The following NAV3 variants were observed in gnomAD, a reference collection of about 807,000 sequenced individuals.
NAV3 encodes the protein neuron navigator 3.
Under a neutral mutation model 244.7 loss-of-function variants are expected in NAV3, and 87 were observed. That is an observed-to-expected ratio of 0.36 (90% CI 0.30 to 0.42). NAV3 has a LOEUF of 0.42. NAV3 is among the 20% of genes least tolerant of loss of function. NAV3 has a pLI of 1.00. For missense variants in NAV3, 2,663 were observed against 2,893.3 expected (o/e 0.92, Z 1.83); for synonymous variants, 1,126 against 1,042.2 (o/e 1.08, Z -1.55).
rs770806280 is a variant in NAV3, at chr12:78,199,504, A to G, written c.6688A>G (p.Thr2230Ala). Reference sequence around the variant, plus strand: ...GCATCATCTCAACAGTTTTTTGGAAACACACAGTTCTTCTGACGTTACCAT... The same window carrying G: ...GCATCATCTCAACAGTTTTTTGGAAGCACACAGTTCTTCTGACGTTACCAT... ...TWHHLNSFLETHSSSDVTIGP... is the reference protein window; with the variant it reads ...TWHHLNSFLEAHSSSDVTIGP... The change falls in exon 37 of 40, where the codon ACA (threonine) becomes GCA (alanine). Residue 2230 changes from threonine to alanine, a missense_variant. By Grantham distance (58) the Thr-to-Ala change is moderately conservative. Around this residue, in one of 6 missense-constraint regions of NAV3, gnomAD observed 543 missense variants for 672.4 expected, o/e 0.81. Transcript: ENST00000397909. 2 of 1,601,036 alleles carry G rather than the reference A, an allele frequency of 1.2e-6. No individual in the cohort carries two copies. The highest frequency in any genetic ancestry group is 4.5e-5 in the East Asian group (2 of 44,556).
At chr12:78,104,492 G>C (rs2138270869) in intron 12 of NAV3, among the ~76,000 whole-genome samples, 1 of 152,252 alleles carries the variant, frequency 6.6e-6, no homozygotes, top group South Asian at 2.1e-4. Flanking sequence ...GCCTCTAACT[G>C]TGAATCCAGG....
At position 77,850,691 on chromosome 12, in the gene NAV3, T is replaced by G. The variant is rs1330959814; in HGVS notation, c.243+18987T>G. 3.3e-5 allele frequency among the ~76,000 whole-genome samples: 5 copies of G among 152,174 alleles called. No individual in the cohort carries two copies. The East Asian group carries it at 9.6e-4, about 29-fold the overall frequency. The stretch of plus-strand genomic sequence containing the variant: ...TTTTCTATGAAGTTTCTCTCTTTCT[T>G]TCTCATTTTTAAAATGGCTTCTTCA... On this transcript the variant is annotated intron_variant, in intron 1 of 39. Transcript: ENST00000397909.
At chr12:77,886,967 G>A (rs1444203269) in intron 1 of NAV3, among the ~76,000 whole-genome samples, 1 of 152,024 alleles carries the variant, frequency 6.6e-6, no homozygotes, top group Non-Finnish European at 1.5e-5. Flanking sequence ...AGGTTAATGG[G>A]ACTTTGACAA....
intron 2 of NAV3, among the ~76,000 whole-genome samples, chr12:77,639,643 G>C (rs891129095): frequency 3.3e-5 from 5 of 152,172 alleles, no homozygotes; most frequent in African/African-American, 1.2e-4. Flanking sequence ...AGGGTGCTCA[G>C]TGTTGGCTAT....
chr12:78,125,659 C>T (rs1360354060), intron 16 of NAV3, among the ~76,000 whole-genome samples: 2 of 152,180 alleles, frequency 1.3e-5, no homozygotes, highest in South Asian at 2.1e-4. Context: ...AATCCCCATT[C>T]GTTTTCATGC....
chr12:78,210,096 C>G (rs893064806), intron 39 of NAV3, among the ~76,000 whole-genome samples: 12 of 152,176 alleles, frequency 7.9e-5, no homozygotes, highest in Non-Finnish European at 2.9e-5. Flanking sequence ...CAGCAACGAA[C>G]CCAGATGTCC....
At position 78,050,844 on chromosome 12, in the gene NAV3, C is replaced by T. The variant is rs1333511422; in HGVS notation, c.2213C>T (p.Thr738Ile). The change falls in exon 11 of 40, where the codon ACC becomes ATC. Residue 738 changes from threonine (T) to isoleucine (I), a missense_variant. Thr to Ile is a moderately conservative substitution (Grantham distance 89). Coordinates refer to ENST00000397909, the MANE Select transcript of NAV3 (RefSeq NM_001024383.2). ...RTIPNLTSRP[T>I]PMTWRLGQAC... The stretch of plus-strand genomic sequence containing the variant: ...ATACCCAACTTGACAAGTCGACCCA[C>T]CCCCATGACCTGGAGGTTGGGCCAG... The T allele has an allele frequency of 6.2e-7, 1 of 1,614,046 alleles. No homozygotes were observed. The highest frequency in any genetic ancestry group is 8.5e-7 in the Non-Finnish European group (1 of 1,179,968).
intron 17 of NAV3, among the ~76,000 whole-genome samples, chr12:78,127,691 T>G (rs940486462): frequency 3.3e-5 from 5 of 152,168 alleles, no homozygotes; most frequent in Non-Finnish European, 5.9e-5. Flanking sequence ...GATGCTACAA[T>G]CTGAATCAAA....
At chr12:77,844,334 A>G (rs1157424489) in intron 1 of NAV3, among the ~76,000 whole-genome samples, 1 of 152,168 alleles carries the variant, frequency 6.6e-6, no homozygotes, top group Non-Finnish European at 1.5e-5. Flanking sequence ...CCTTATTCCC[A>G]TCTATGAGGG....
chr12:78,101,597 A>G (rs779514734), intron 12 of NAV3, among the ~76,000 whole-genome samples: 6 of 152,062 alleles, frequency 3.9e-5, no homozygotes, highest in Non-Finnish European at 8.8e-5. Flanking sequence ...GCTTTTCTTC[A>G]TGGTAATAAA....
intron 5 of NAV3, among the ~76,000 whole-genome samples, chr12:77,987,511 G>A (rs893704955): frequency 6.6e-6 from 1 of 152,050 alleles, no homozygotes; most frequent in Non-Finnish European, 1.5e-5. Flanking sequence ...ACATACTTCT[G>A]ATAATTCTAT....
intron 2 of NAV3, among the ~76,000 whole-genome samples, chr12:77,748,831 G>T (rs1290674688): frequency 6.6e-6 from 1 of 152,126 alleles, no homozygotes; most frequent in Non-Finnish European, 1.5e-5. Context: ...CAGTGATATT[G>T]TATTGTGTGT....
intron 2 of NAV3, among the ~76,000 whole-genome samples, chr12:77,800,375 A>G (rs1402316): frequency 0.97 from 148,468 of 152,286 alleles, 72,500 homozygotes; most frequent in South Asian, 1. Flanking sequence ...TCAGGCTGTC[A>G]TTGTAGGAAA....
At position 78,212,821 on chromosome 12, in the gene NAV3, G is replaced by A. The variant is rs1013721766; in HGVS notation, c.*2304G>A. 6.6e-6 allele frequency: 1 copy of A among 152,560 alleles called. No individual in the cohort carries two copies. Among genetic ancestry groups the A allele is most frequent in the African/African-American group, 2.4e-5 (1 of 41,434 alleles). 9.5% of individuals were successfully genotyped at this position (152,560 alleles called of 1,614,324 possible). A position where few individuals can be genotyped will look rare whatever the true frequency, so the allele number is the denominator to read the frequency against. ...AACAGTGAAATAAATCATCTGAAAA[G>A]TTTTGTAGTCTTTGTAAAGCCCCAA... On this transcript the variant is annotated 3_prime_UTR_variant, in exon 40 of 40. Transcript: ENST00000397909.
rs976816406 is a variant in NAV3 at position 77,961,687 on chromosome 12, T to A, written c.415-4542T>A. Among the ~76,000 whole-genome samples the A allele has an allele frequency of 1.2e-3, 181 of 147,392 alleles. 2 individuals carry two copies. The highest frequency in any genetic ancestry group is 4.2e-3 in the African/African-American group (170 of 40,610). ...TATTACATACATGTAATATATGTAATATATGTTATATAATATAAGTAATGT... is the reference window on the plus strand; with the variant it reads ...TATTACATACATGTAATATATGTAAAATATGTTATATAATATAAGTAATGT... On this transcript the variant is annotated intron_variant, in intron 3 of 39. Coordinates refer to ENST00000397909, the MANE Select transcript of NAV3 (RefSeq NM_001024383.2).
chr12:78,166,874 C>A (rs918249885), intron 23 of NAV3, among the ~76,000 whole-genome samples: 6 of 151,574 alleles, frequency 4.0e-5, no homozygotes, highest in Non-Finnish European at 7.4e-5. Context: ...TCATTTAAAG[C>A]CACAGGCAAA....
intron 38 of NAV3, among the ~76,000 whole-genome samples, chr12:78,201,025 C>G (rs1364711440): frequency 6.9e-6 from 1 of 145,026 alleles, no homozygotes; most frequent in Non-Finnish European, 1.5e-5. Context: ...CCCCTCCCCA[C>G]TCTCTCTCTT....
chr12:78,176,620 G>C (rs1429648247), intron 26 of NAV3, among the ~76,000 whole-genome samples, 161 bp downstream of exon 26: 2 of 152,044 alleles, frequency 1.3e-5, no homozygotes, highest in African/African-American at 4.8e-5. Flanking sequence ...ATTTTAAAGA[G>C]ATGTAAAACC....
chr12:77,968,286 G>A (rs1340761011), intron 4 of NAV3, among the ~76,000 whole-genome samples: 1 of 152,146 alleles, frequency 6.6e-6, no homozygotes. Flanking sequence ...ACTTCTGAGT[G>A]TGCTTTGTTC....
Sources: gnomAD v4.1 joint callset for allele counts (sites outside exome capture counted in the v4.1 genomes callset) on GRCh38, gnomAD v4.1.1 for gene constraint, gnomAD v4.1.1 regional missense constraint, MANE v1.5 for transcripts, NCBI Gene and HGNC (gene_info 2026-07-23, HGNC 2026-07-21) for gene names.